Variants in PCDH9 observed in about 807,000 individuals in gnomAD.
PCDH9 encodes the protein protocadherin 9.
In PCDH9, 24 loss-of-function variants were observed where a neutral mutation model predicts 70.6. The ratio of observed to expected loss-of-function variants is 0.34; its 90% CI spans 0.25 to 0.48. The LOEUF (loss-of-function observed/expected upper bound fraction) is 0.48. Ranked by LOEUF, PCDH9 falls within the 20% of genes least tolerant of loss-of-function variation. The pLI is 0.99. For missense variants in PCDH9, 1,281 were observed against 1,503.6 expected (o/e 0.85, Z 2.45); for synonymous variants, 562 against 558.5 (o/e 1.01, Z -0.09).
chr13:66,709,214 G>C (rs1277255265), intron 3 of PCDH9, among the ~76,000 whole-genome samples: 3 of 152,030 alleles, frequency 2.0e-5, no homozygotes, highest in African/African-American at 4.8e-5. Flanking sequence ...CAGACTTAGG[G>C]AACCATGGCA....
intron 3 of PCDH9, among the ~76,000 whole-genome samples, chr13:66,902,758 T>A (rs572644700): frequency 2.0e-5 from 3 of 151,840 alleles, no homozygotes; most frequent in African/African-American, 7.2e-5. Flanking sequence ...GACTGAACTC[T>A]ACACTTAAAA....
intron 2 of PCDH9, among the ~76,000 whole-genome samples, chr13:66,904,398 C>A (rs2082326189): frequency 1.3e-5 from 2 of 151,856 alleles, no homozygotes; most frequent in African/African-American, 2.4e-5. Context: ...TTTTCTAAAT[C>A]TTTTATTAGA....
chr13:66,693,414 A>G (rs935724704), intron 3 of PCDH9, among the ~76,000 whole-genome samples: 3 of 152,208 alleles, frequency 2.0e-5, no homozygotes, highest in Admixed American at 6.5e-5. Flanking sequence ...ATAGAAAATA[A>G]AAGTGTATAT....
chr13:66,947,673 T>C (rs1024803721), intron 2 of PCDH9, among the ~76,000 whole-genome samples: 2 of 152,242 alleles, frequency 1.3e-5, no homozygotes, highest in East Asian at 3.9e-4. Context: ...ACCTGTCCTG[T>C]CCATAGTTGG....
At position 67,227,589 on chromosome 13, in the gene PCDH9, A is replaced by G. The variant is rs34881109; in HGVS notation, c.852T>C (p.Asn284=). Residue 284 remains asparagine, a synonymous_variant, in exon 2 of 5, where the codon AAT becomes AAC. Coordinates refer to ENST00000377865, the MANE Select transcript of PCDH9 (RefSeq NM_203487.3). The surrounding 1 kb of genome is among the most constrained non-coding windows in gnomAD (Gnocchi z 4.6). The part of the protein sequence containing the change: ...LHATDADIGS[N]AEIRYIFGAQ... ...CACCAAAAATGTACCGGATTTCAGCATTACTGCCTATATCTGCATCAGTGG... is the reference window on the plus strand; with the variant it reads ...CACCAAAAATGTACCGGATTTCAGCGTTACTGCCTATATCTGCATCAGTGG... The G allele has an allele frequency of 0.017, 26,945 of 1,614,044 alleles. 297 individuals are homozygous for G. Among genetic ancestry groups the G allele is most frequent in the Non-Finnish European group, 0.019 (22,382 of 1,179,918 alleles).
Position 67,007,331 on chromosome 13 carries a change from T to A in PCDH9, c.3037-103726A>T, listed in dbSNP as rs533104645. Among the ~76,000 whole-genome samples, 28 of 152,124 alleles carry A rather than the reference T, an allele frequency of 1.8e-4. 2 individuals are homozygous for A. The South Asian group carries it at 5.8e-3, about 32-fold the overall frequency. On this transcript the variant is annotated intron_variant, in intron 2 of 4. Coordinates refer to ENST00000377865, the MANE Select transcript of PCDH9 (RefSeq NM_203487.3). ...AAAATTTTGAGTAAAAAAACACAAA[T>A]AGGTTCCATATAGGAAGATAGTAAA... is the stretch of plus-strand genomic sequence containing the variant.
chr13:66,832,296 T>C (rs975296659), intron 3 of PCDH9, among the ~76,000 whole-genome samples: 7 of 152,150 alleles, frequency 4.6e-5, no homozygotes, highest in Non-Finnish European at 7.4e-5. Context: ...ATGTGATTAA[T>C]AACTGAAACA....
chr13:66,739,326 G>C (rs1297799663), intron 3 of PCDH9, among the ~76,000 whole-genome samples: 1 of 129,100 alleles, frequency 7.7e-6, no homozygotes, highest in African/African-American at 2.7e-5. Context: ...TGCCCTAAAA[G>C]AGCTCCTGAA....
intron 4 of PCDH9, among the ~76,000 whole-genome samples, chr13:66,412,995 T>G (rs1373496): frequency 0.85 from 130,011 of 152,102 alleles, 56,264 homozygotes; most frequent in South Asian, 0.95. Flanking sequence ...GTAGAGATTT[T>G]GATTAACAAG....
chr13:67,095,465 A>T (rs1045253364), intron 2 of PCDH9, among the ~76,000 whole-genome samples: 1 of 152,196 alleles, frequency 6.6e-6, no homozygotes, highest in Non-Finnish European at 1.5e-5. Context: ...ATAGTCAAAC[A>T]ATGTCAGATA....
At chr13:67,201,325 G>T (rs1325204326) in intron 2 of PCDH9, 3 of 152,034 alleles carry the variant, frequency 2.0e-5, no homozygotes, top group African/African-American at 4.8e-5. Context: ...TATACATTTT[G>T]ATATACAACT....
intron 3 of PCDH9, among the ~76,000 whole-genome samples, chr13:66,890,859 T>C (rs2082085214): frequency 6.6e-6 from 1 of 152,098 alleles, no homozygotes; most frequent in African/African-American, 2.4e-5. Flanking sequence ...TTTAACTCTG[T>C]CAGTGTAATT....
intron 4 of PCDH9, among the ~76,000 whole-genome samples, chr13:66,520,018 G>GT (rs1959917795): frequency 6.6e-6 from 1 of 152,086 alleles, no homozygotes; most frequent in Non-Finnish European, 1.5e-5. Flanking sequence ...AATCGGTTCA[G>GT]GACAAAAAAG....
chr13:66,366,079 T>A (rs1956549283), intron 4 of PCDH9, among the ~76,000 whole-genome samples: 1 of 152,008 alleles, frequency 6.6e-6, no homozygotes, highest in Non-Finnish European at 1.5e-5. Flanking sequence ...CCAAGTTATA[T>A]TAATACTAGG....
chr13:66,317,192 T>C (rs1182608275), intron 4 of PCDH9, among the ~76,000 whole-genome samples: 2 of 152,096 alleles, frequency 1.3e-5, no homozygotes, highest in East Asian at 1.9e-4. Flanking sequence ...GCCTGGCACA[T>C]TGCAGATAAT....
intron 3 of PCDH9, among the ~76,000 whole-genome samples, chr13:66,843,577 C>T (rs1406371454): frequency 1.3e-5 from 2 of 152,228 alleles, no homozygotes; most frequent in Non-Finnish European, 2.9e-5. Context: ...AGGCCAAGGA[C>T]AAGCAAGGCC....
intron 3 of PCDH9, among the ~76,000 whole-genome samples, chr13:66,730,887 G>GTTTTT (rs1303010293): frequency 1.6e-5 from 1 of 60,772 alleles, no homozygotes; most frequent in African/African-American, 6.2e-5. Flanking sequence ...TTTTTTTTTT[G>GTTTTT]TTTGTTTCTT....
chr13:67,054,604 T>C (rs573109807), intron 2 of PCDH9, among the ~76,000 whole-genome samples: 1 of 152,280 alleles, frequency 6.6e-6, no homozygotes, highest in South Asian at 2.1e-4. Flanking sequence ...TTTTTGACAA[T>C]TATGTTAACA....
Position 66,902,585 on chromosome 13 carries a change from C to T in PCDH9, c.3138+919G>A, listed in dbSNP as rs547987394. Among the ~76,000 whole-genome samples, 8 of 151,650 alleles carry T rather than the reference C, an allele frequency of 5.3e-5. No homozygotes were observed. In the South Asian group the frequency reaches 6.2e-4, roughly 12 times the overall value. On this transcript the variant is annotated intron_variant, in intron 3 of 4. Coordinates refer to ENST00000377865, the MANE Select transcript of PCDH9 (RefSeq NM_203487.3). ...ATACACACACAGGCACACACACATA[C>T]GCATACACATGCATTACCTCTCTTT...
Sources: allele counts gnomAD v4.1 joint callset (sites outside exome capture counted in the v4.1 genomes callset), GRCh38; gene constraint gnomAD v4.1.1; non-coding constraint Gnocchi (gnomAD v3.1); transcripts MANE v1.5; gene names NCBI Gene and HGNC (gene_info 2026-07-23, HGNC 2026-07-21).